The following METAP1 variants were observed in gnomAD, a reference collection of about 807,000 sequenced individuals.
METAP1 encodes the protein methionyl aminopeptidase 1.
In METAP1, 28 loss-of-function variants were observed where a neutral mutation model predicts 53.8. That is an observed-to-expected ratio of 0.52 (90% CI 0.39 to 0.71). METAP1 has a LOEUF of 0.71. METAP1 is among the 30% of genes least tolerant of loss of function. METAP1 has a pLI of 0.00. For missense variants in METAP1, 389 were observed against 479.8 expected, an observed-to-expected ratio of 0.81 and a Z score of 1.77; for synonymous variants, 181 against 165.7, an observed-to-expected ratio of 1.09 and a Z score of -0.71.
chr4:99,007,720 T>C (rs1051844816), intron 1 of METAP1, among the ~76,000 whole-genome samples: 3 of 152,250 alleles, frequency 2.0e-5, no homozygotes, highest in African/African-American at 7.2e-5. Context: ...TGGATTGTTT[T>C]CTTTTTCATG....
At chr4:99,054,589 A>G (rs1057491835) in intron 9 of METAP1, among the ~76,000 whole-genome samples, 1 of 152,210 alleles carries the variant, frequency 6.6e-6, no homozygotes, top group African/African-American at 2.4e-5. Context: ...CTGCATTCAC[A>G]ATGTGGCTAA....
intron 8 of METAP1, among the ~76,000 whole-genome samples, chr4:99,048,101 G>A (rs951206693): frequency 1.3e-5 from 2 of 152,118 alleles, no homozygotes; most frequent in Non-Finnish European, 2.9e-5. Flanking sequence ...TGGAACACTT[G>A]GCCTTAGGGA....
chr4:99,043,457 C>T, intron 7 of METAP1, 70 bp downstream of exon 7: 2 of 1,454,824 alleles, frequency 1.4e-6, no homozygotes, highest in Non-Finnish European at 1.9e-6. Context: ...CTGACAGTGA[C>T]TTGTGTTTTC....
intron 5 of METAP1, among the ~76,000 whole-genome samples, chr4:99,040,511 A>G (rs1483860084): frequency 6.6e-6 from 1 of 150,810 alleles, no homozygotes; most frequent in East Asian, 1.9e-4. Flanking sequence ...GCTATCACTC[A>G]GGCTAGAGTA....
intron 5 of METAP1, 73 bp downstream of exon 5, chr4:99,039,538 G>C (rs1459742742): frequency 1.2e-6 from 1 of 828,240 alleles, no homozygotes; most frequent in Non-Finnish European, 2.0e-6. Flanking sequence ...GTGGTTTGCT[G>C]ATTTATAAAG....
chr4:99,030,318 A>T (rs1199240980), intron 2 of METAP1, among the ~76,000 whole-genome samples: 1 of 152,190 alleles, frequency 6.6e-6, no homozygotes, highest in Non-Finnish European at 1.5e-5. Flanking sequence ...ACTACAAGGG[A>T]ATAAACAGCA....
At chr4:99,049,001 C>T in intron 9 of METAP1, 125 bp downstream of exon 9, 2 of 1,164,146 alleles carry the variant, frequency 1.7e-6, no homozygotes, top group East Asian at 2.4e-5. Flanking sequence ...TAGATAGATT[C>T]CCAAAATGTG....
chr4:99,030,519 AT>A (rs1724937521), intron 2 of METAP1, among the ~76,000 whole-genome samples: 1 of 152,184 alleles, frequency 6.6e-6, no homozygotes, highest in South Asian at 2.1e-4. Context: ...GATAGAGATC[AT>A]CCTTAGGTGG....
chr4:99,019,224 A>C (rs1669394606), intron 1 of METAP1, among the ~76,000 whole-genome samples: 1 of 152,198 alleles, frequency 6.6e-6, no homozygotes, highest in East Asian at 1.9e-4. Flanking sequence ...GAAAAGCGTA[A>C]GGAAGAACAA....
At chr4:98,997,652 G>A (rs1722701299) in intron 1 of METAP1, among the ~76,000 whole-genome samples, 1 of 149,920 alleles carries the variant, frequency 6.7e-6, no homozygotes, top group African/African-American at 2.5e-5. Context: ...CATGAAACAG[G>A]TAGAAAGAAG....
chr4:99,059,545 A>T (rs1028659879), intron 10 of METAP1, among the ~76,000 whole-genome samples: 2 of 152,168 alleles, frequency 1.3e-5, no homozygotes, highest in Admixed American at 1.3e-4. Flanking sequence ...CCTAGAGGTA[A>T]TATGTTTCAC....
chr4:98,998,779 A>G (rs1200486928), intron 1 of METAP1, among the ~76,000 whole-genome samples: 1 of 151,900 alleles, frequency 6.6e-6, no homozygotes, highest in Non-Finnish European at 1.5e-5. Context: ...CTTTTGTGCA[A>G]TCTATGATTA....
intron 5 of METAP1, among the ~76,000 whole-genome samples, chr4:99,039,908 G>A (rs1212581837): frequency 6.6e-6 from 1 of 151,414 alleles, no homozygotes; most frequent in Admixed American, 6.6e-5. Context: ...TGTATTTTTA[G>A]TAGATACAGG....
At chr4:99,017,796 C>G (rs1363740976) in intron 1 of METAP1, among the ~76,000 whole-genome samples, 2 of 152,252 alleles carry the variant, frequency 1.3e-5, no homozygotes, top group Non-Finnish European at 2.9e-5. Flanking sequence ...ACTAATATGG[C>G]ATTGGCTGCC....
intron 2 of METAP1, 123 bp from the exon 3 acceptor site, chr4:99,034,107 C>A: frequency 1.6e-6 from 1 of 626,044 alleles, no homozygotes; most frequent in Non-Finnish European, 2.8e-6. Flanking sequence ...TGTGCCTGGA[C>A]TTGTTGGCTT....
intron 1 of METAP1, among the ~76,000 whole-genome samples, chr4:99,008,440 C>T (rs534019806): frequency 1.3e-5 from 2 of 152,260 alleles, no homozygotes; most frequent in Non-Finnish European, 2.9e-5. Context: ...AAAAGGAGTA[C>T]ATGATCTTTG....
chr4:99,029,186 C>T (rs1191621199), intron 2 of METAP1, among the ~76,000 whole-genome samples: 1 of 152,160 alleles, frequency 6.6e-6, no homozygotes, highest in African/African-American at 2.4e-5. Context: ...CCTGATGATG[C>T]TGTCATCTTT....
At chr4:99,003,532 C>T (rs912370666) in intron 1 of METAP1, among the ~76,000 whole-genome samples, 3 of 152,144 alleles carry the variant, frequency 2.0e-5, no homozygotes, top group African/African-American at 7.2e-5. Flanking sequence ...GTTAACTTCT[C>T]ACTCCACTAA....
intron 1 of METAP1, among the ~76,000 whole-genome samples, chr4:98,998,678 A>G (rs188642543): frequency 6.6e-6 from 1 of 152,320 alleles, no homozygotes; most frequent in Non-Finnish European, 1.5e-5. Flanking sequence ...CAAACAGAAC[A>G]AAACTGCAAG....
Sources: allele counts gnomAD v4.1 joint callset (sites outside exome capture counted in the v4.1 genomes callset), GRCh38; gene constraint gnomAD v4.1.1; transcripts MANE v1.5; gene names NCBI Gene and HGNC (gene_info 2026-07-23, HGNC 2026-07-21).